PIGH: variants seen among roughly 807,000 people sequenced by gnomAD.
The protein encoded by PIGH is phosphatidylinositol glycan anchor biosynthesis class H.
Under a neutral mutation model 20.1 loss-of-function variants are expected in PIGH, and 11 were observed. The ratio of observed to expected loss-of-function variants is 0.55; its 90% CI spans 0.34 to 0.91. The LOEUF (loss-of-function observed/expected upper bound fraction) is 0.91, where lower values mean the gene tolerates loss of function less well. Among genes scored for constraint, PIGH ranks in the 40% least tolerant of loss-of-function variants. PIGH has a pLI of 0.02. For synonymous variants in PIGH, 72 were observed against 93.1 expected (o/e 0.77, Z 1.31); for missense variants, 189 against 233.6 (o/e 0.81, Z 1.24).
Position 67,589,786 on chromosome 14 carries a change from G to A in PIGH, c.*294C>T, listed in dbSNP as rs764157130. 1.8e-6 allele frequency: 2 copies of A among 1,091,058 alleles called. No individual in the cohort carries two copies. Among genetic ancestry groups the A allele is most frequent in the Non-Finnish European group, 2.2e-6 (2 of 898,954 alleles). 67.6% of individuals were successfully genotyped at this position (1,091,058 alleles called of 1,614,324 possible). ...AACAAAGTAAACCTGAACATGCTTAGCAATTTCCGAAAGTGTTCTTTGCTG... is the reference window on the plus strand; with the variant it reads ...AACAAAGTAAACCTGAACATGCTTAACAATTTCCGAAAGTGTTCTTTGCTG... On this transcript the variant is annotated 3_prime_UTR_variant, in exon 4 of 4. Transcript: ENST00000216452.
At chr14:67,598,839 G>A (rs8006623) in intron 1 of PIGH, among the ~76,000 whole-genome samples, 117,872 of 151,208 alleles carry the variant, frequency 0.78, 46,156 homozygotes, top group Middle Eastern at 0.84. Flanking sequence ...CCTTCCGAGT[G>A]GCTGAGACTA....
rs11547225 is a variant in PIGH at position 67,600,232 on chromosome 14, G to A, written c.-29C>T. The A allele has an allele frequency of 0.28, 432,535 of 1,538,044 alleles. 63,847 individuals are homozygous for A. The highest frequency in any genetic ancestry group is 0.31 in the Non-Finnish European group (352,531 of 1,143,980). ...GCCCCCACTCGGCCGCCCGCACCGC[G>A]CGGCGCTGCACTGCGCTCGCCGGCC... On this transcript the variant is annotated 5_prime_UTR_variant, in exon 1 of 4. Transcript: ENST00000216452.
Position 67,589,367 on chromosome 14 carries a change from A to G in PIGH, c.*713T>C. ...ATGAGAGTCCCATGTCTGAAAACCAAAGTCCAATTTCTGTCTGGCCTTTTG... is the reference window on the plus strand; with the variant it reads ...ATGAGAGTCCCATGTCTGAAAACCAGAGTCCAATTTCTGTCTGGCCTTTTG... On this transcript the variant is annotated 3_prime_UTR_variant, in exon 4 of 4. Transcript: ENST00000216452. 1.0e-6 allele frequency: 1 copy of G among 984,722 alleles called. No individual in the cohort carries two copies. Among genetic ancestry groups the G allele is most frequent in the Non-Finnish European group, 1.2e-6 (1 of 829,328 alleles). 61.0% of individuals were successfully genotyped at this position (984,722 alleles called of 1,614,324 possible).
At position 67,589,977 on chromosome 14, in the gene PIGH, T is replaced by C. The variant is rs1173413684; in HGVS notation, c.*103A>G. ...GATGCACTACATCCATAATGGTTCCTAGGACTGTGTCCACCTGATGGTTTG... is the reference window on the plus strand; with the variant it reads ...GATGCACTACATCCATAATGGTTCCCAGGACTGTGTCCACCTGATGGTTTG... On this transcript the variant is annotated 3_prime_UTR_variant, in exon 4 of 4. Transcript: ENST00000216452. The C allele has an allele frequency of 8.4e-6, 12 of 1,434,728 alleles. No individual in the cohort carries two copies. Among genetic ancestry groups the C allele is most frequent in the Non-Finnish European group, 1.1e-5 (12 of 1,091,980 alleles). The allele number at this position is 1,434,728 out of a possible 1,614,324, so 88.9% of individuals were successfully genotyped here.
intron 3 of PIGH, chr14:67,591,876 C>T (rs1358362224): frequency 6.6e-6 from 1 of 151,268 alleles, no homozygotes; most frequent in East Asian, 1.9e-4. Flanking sequence ...ACAAAAAAAC[C>T]CAGGCATGAT....
Position 67,599,959 on chromosome 14 carries a change from C to A in PIGH, c.180+65G>T. 6 of 1,403,718 alleles carry A rather than the reference C, an allele frequency of 4.3e-6. No homozygotes were observed. In the South Asian group the frequency reaches 8.0e-5, roughly 19 times the overall value. The allele number at this position is 1,403,718 out of a possible 1,614,324, so 87.0% of individuals were successfully genotyped here. A position where few individuals can be genotyped will look rare whatever the true frequency, so the allele number is the denominator to read the frequency against. Reference sequence around the variant, plus strand: ...CAGAGGTCCGGGCTCGACCAAAGACCCCAAAGACCCTCCCAAAGCCGAACC... The same window carrying A: ...CAGAGGTCCGGGCTCGACCAAAGACACCAAAGACCCTCCCAAAGCCGAACC... On this transcript the variant is annotated intron_variant, in intron 1 of 3. Transcript: ENST00000216452.
rs1440071604 is a variant in PIGH, at chr14:67,590,058, C to G, written c.*22G>C. On this transcript the variant is annotated 3_prime_UTR_variant, in exon 4 of 4. Transcript: ENST00000216452. ...GAGTCATCTCCCATGGAAGACAATG[C>G]TGGCCTTCTGAACGCTGGGGCTCAT... 6.5e-7 allele frequency: 1 copy of G among 1,544,184 alleles called. No homozygotes were observed. Among genetic ancestry groups the G allele is most frequent in the African/African-American group, 1.4e-5 (1 of 72,522 alleles).
chr14:67,591,439 T>A (rs2036366331), intron 3 of PIGH, among the ~76,000 whole-genome samples: 1 of 152,204 alleles, frequency 6.6e-6, no homozygotes, highest in Admixed American at 6.5e-5. Context: ...TCTTAAATCC[T>A]TTGTGAAAAA....
At chr14:67,595,381 T>TCAAA (rs1389413176) in intron 1 of PIGH, among the ~76,000 whole-genome samples, 1 of 152,190 alleles carries the variant, frequency 6.6e-6, no homozygotes, top group African/African-American at 2.4e-5. Context: ...AAATCCTAAG[T>TCAAA]CAAACCATCG....
rs771157642 is a variant in PIGH at position 67,600,151 on chromosome 14, T to TGCA, written c.50_52dup (p.Leu17dup). On this transcript the variant is annotated inframe_insertion, in exon 1 of 4. Coordinates refer to ENST00000216452, the MANE Select transcript of PIGH (RefSeq NM_004569.5). ...GCAGGACGGGGAGTAGTAGCGGCGCTGCAGCGCCAGGCGGCCGCCGCAGAT... is the reference window on the plus strand; with the variant it reads ...GCAGGACGGGGAGTAGTAGCGGCGCTGCAGCAGCGCCAGGCGGCCGCCGCAGAT... 2.5e-6 allele frequency: 4 copies of TGCA among 1,592,654 alleles called. No individual in the cohort carries two copies. In the East Asian group the frequency reaches 9.2e-5, roughly 37 times the overall value.
chr14:67,600,174 G>A lies in PIGH; in HGVS notation c.30C>T (p.Ile10=). The A allele has an allele frequency of 1.3e-6, 2 of 1,589,684 alleles. No homozygotes were observed. Among genetic ancestry groups the A allele is most frequent in the Admixed American group, 1.8e-5 (1 of 57,138 alleles). MEDERSFSD[I]CGGRLALQRR... Reference sequence around the variant, plus strand: ...GCTGCAGCGCCAGGCGGCCGCCGCAGATATCCGAAAAGCTCCGCTCATCCT... The same window carrying A: ...GCTGCAGCGCCAGGCGGCCGCCGCAAATATCCGAAAAGCTCCGCTCATCCT... The change falls in exon 1 of 4, where the codon ATC becomes ATT. Residue 10 remains isoleucine, a synonymous_variant. Coordinates refer to ENST00000216452, the MANE Select transcript of PIGH (RefSeq NM_004569.5).
rs918711236 is a variant in PIGH at position 67,590,136 on chromosome 14, A to G, written c.511T>C (p.Tyr171His). 6 of 1,551,056 alleles carry G rather than the reference A, an allele frequency of 3.9e-6. No homozygotes were observed. In the African/African-American group the frequency reaches 6.9e-5, roughly 18 times the overall value. Residue 171 changes from tyrosine to histidine, a missense_variant, in exon 4 of 4, where the codon TAC (tyrosine) becomes CAC (histidine). Tyr to His is a moderately conservative substitution (Grantham distance 83). Coordinates refer to ENST00000216452, the MANE Select transcript of PIGH (RefSeq NM_004569.5). ...GCCAGGATCTCCTGGCAGCTCCTGT[A>G]TACTTCAATCAAGCAGTCCAGCCGG... ...KPRLDCLIEVYRSCQEILAHQ... is the reference protein window; with the variant it reads ...KPRLDCLIEVHRSCQEILAHQ...
chr14:67,590,617 C>T (rs1566775420), intron 3 of PIGH, among the ~76,000 whole-genome samples: 1 of 152,148 alleles, frequency 6.6e-6, no homozygotes. Flanking sequence ...CCTCGGCTTC[C>T]CAAAGTGCTG....
At chr14:67,590,949 A>T (rs1044899134) in intron 3 of PIGH, among the ~76,000 whole-genome samples, 38 of 152,358 alleles carry the variant, frequency 2.5e-4, no homozygotes, top group African/African-American at 8.2e-4. Context: ...GCAGTTTAAT[A>T]TGTAAATATT....
Position 67,590,028 on chromosome 14 carries a change from C to T in PIGH, c.*52G>A, listed in dbSNP as rs535020964. 378 of 1,528,482 alleles carry T rather than the reference C, an allele frequency of 2.5e-4. 2 individuals are homozygous for T. In the East Asian group the frequency reaches 8.8e-3, roughly 36 times the overall value. 94.7% of individuals were successfully genotyped at this position (1,528,482 alleles called of 1,614,324 possible). A position where few individuals can be genotyped will look rare whatever the true frequency, so the allele number is the denominator to read the frequency against. On this transcript the variant is annotated 3_prime_UTR_variant, in exon 4 of 4. Coordinates refer to ENST00000216452, the MANE Select transcript of PIGH (RefSeq NM_004569.5). The stretch of plus-strand genomic sequence containing the variant: ...GAGTACGGAAAACCAGCCCCTATGG[C>T]TTAAGAGTCATCTCCCATGGAAGAC...
intron 1 of PIGH, among the ~76,000 whole-genome samples, chr14:67,594,368 G>C (rs2140624030): frequency 6.6e-6 from 1 of 152,302 alleles, no homozygotes; most frequent in Non-Finnish European, 1.5e-5. Flanking sequence ...AAAGGACCCA[G>C]CCGAGTGAGG....
At chr14:67,599,928 G>T in intron 1 of PIGH, 96 bp downstream of exon 1, 1 of 1,038,070 alleles carries the variant, frequency 9.6e-7, no homozygotes, top group Non-Finnish European at 1.4e-6. Context: ...TGTAGGAGGG[G>T]CCGACCAGAG....
chr14:67,592,735 C>A lies in PIGH; in HGVS notation c.391-17G>T. ...CACCTTCTGCTGTAAGAAAATAAAT[C>A]AAATAGCAAAGTCTAAGTGAAACTC... On this transcript the variant is annotated splice_polypyrimidine_tract_variant and intron_variant, in intron 2 of 3. Transcript: ENST00000216452. The A allele has an allele frequency of 6.9e-7, 1 of 1,448,744 alleles. No homozygotes were observed. Among genetic ancestry groups the A allele is most frequent in the Non-Finnish European group, 9.7e-7 (1 of 1,035,112 alleles). 89.7% of individuals were successfully genotyped at this position (1,448,744 alleles called of 1,614,324 possible).
At chr14:67,592,553 A>T in intron 3 of PIGH, 82 bp downstream of exon 3, 1 of 852,730 alleles carries the variant, frequency 1.2e-6, no homozygotes, top group Non-Finnish European at 2.0e-6. Context: ...GGTATCTTCC[A>T]ATACTCTGAC....
Sources: allele counts gnomAD v4.1 joint callset (sites outside exome capture counted in the v4.1 genomes callset), GRCh38; gene constraint gnomAD v4.1.1; transcripts MANE v1.5; gene names NCBI Gene and HGNC (gene_info 2026-07-23, HGNC 2026-07-21).